Variants in GLI1 observed in about 807,000 individuals in gnomAD.
GLI1 encodes the protein GLI family zinc finger 1.
A neutral mutation model predicts 87.8 loss-of-function variants in GLI1; 51 were observed. The ratio of observed to expected loss-of-function variants is 0.58; its 90% confidence interval spans 0.46 to 0.73. The LOEUF is 0.73. Ranked by LOEUF, GLI1 falls within the 30% of genes least tolerant of loss-of-function variation. The pLI is 0.00. For synonymous variants in GLI1, 528 were observed against 558.2 expected, an observed-to-expected ratio of 0.95 and a Z score of 0.76; for missense variants, 1,292 against 1,437.2, an observed-to-expected ratio of 0.90 and a Z score of 1.63.
At chr12:57,467,841 C>T (rs1871598667) in intron 9 of GLI1, among the ~76,000 whole-genome samples, 153 bp from the exon 10 acceptor site, 1 of 152,226 alleles carries the variant, frequency 6.6e-6, no homozygotes, top group South Asian at 2.1e-4. Context: ...ATCTCTGCAT[C>T]TTTGACTCCC....
Position 57,463,965 on chromosome 12 carries a change from CTCCATTCCCATTCCAGCTG to C in GLI1, c.101-31_101-13del, listed in dbSNP as rs767411443. On this transcript the variant is annotated splice_polypyrimidine_tract_variant and intron_variant, in intron 2 of 11. Coordinates refer to ENST00000228682, the MANE Select transcript of GLI1 (RefSeq NM_005269.3). Reference sequence around the variant, plus strand: ...GGTTTTAAGGTGAGGTTTATGTATCCTCCATTCCCATTCCAGCTGTCTCTTTTTTCTAGGACTGTCTGGC... The same window carrying C: ...GGTTTTAAGGTGAGGTTTATGTATCCTCTCTTTTTTCTAGGACTGTCTGGC... 1 of 1,482,334 alleles carries C rather than the reference CTCCATTCCCATTCCAGCTG, an allele frequency of 6.7e-7. No homozygotes were observed. The highest frequency in any genetic ancestry group is 1.4e-5 in the African/African-American group (1 of 72,394). The allele number at this position is 1,482,334 out of a possible 1,614,324, so 91.8% of individuals were successfully genotyped here.
intron 10 of GLI1, 89 bp downstream of exon 10, chr12:57,468,313 CT>C: frequency 1.3e-6 from 1 of 787,470 alleles, no homozygotes; most frequent in Non-Finnish European, 2.1e-6. Context: ...CCATTCCCTC[CT>C]ATAGAAGTCA....
Position 57,466,316 on chromosome 12 carries a change from G to A in GLI1, c.839G>A (p.Arg280Lys). 6.2e-7 allele frequency: 1 copy of A among 1,614,076 alleles called. No individual in the cohort carries two copies. Among genetic ancestry groups the A allele is most frequent in the South Asian group, 1.1e-5 (1 of 91,082 alleles). ...CHWGGCSREL[R>K]PFKAQYMLVV... is the part of the protein sequence containing the mutation. Reference sequence around the variant, plus strand: ...TGGGGGGGCTGCTCCAGGGAGCTGAGGCCCTTCAAAGCCCAGTACATGCTG... The same window carrying A: ...TGGGGGGGCTGCTCCAGGGAGCTGAAGCCCTTCAAAGCCCAGTACATGCTG... The change falls in exon 8 of 12, where the codon AGG (arginine) becomes AAG (lysine). Residue 280 changes from arginine (R) to lysine (K), a missense_variant. Physicochemically the swap from Arg to Lys is conservative, Grantham distance 26. Coordinates refer to ENST00000228682, the MANE Select transcript of GLI1 (RefSeq NM_005269.3).
At chr12:57,465,520 G>A in intron 5 of GLI1, 87 bp from the exon 6 acceptor site, 1 of 1,071,218 alleles carries the variant, frequency 9.3e-7, no homozygotes, top group Non-Finnish European at 1.4e-6. Context: ...TTGGGTGGGG[G>A]CACTTAGGGC....
intron 11 of GLI1, 128 bp downstream of exon 11, chr12:57,469,826 C>G: frequency 1.2e-6 from 1 of 800,354 alleles, no homozygotes; most frequent in Non-Finnish European, 2.0e-6. Context: ...TGTCCTTCCT[C>G]AAGACACTTT....
chr12:57,470,618 T>C lies in GLI1; in HGVS notation c.1878T>C (p.Tyr626=). 1 of 1,614,040 alleles carries C rather than the reference T, an allele frequency of 6.2e-7. No individual in the cohort carries two copies. The highest frequency in any genetic ancestry group is 2.2e-5 in the East Asian group (1 of 44,868). ...PMPPWRSRAE[Y]PGYNPNAGVT... Reference sequence around the variant, plus strand: ...CTCCTTGGAGAAGCCGAGCCGAGTATCCAGGATACAACCCCAATGCAGGGG... The same window carrying C: ...CTCCTTGGAGAAGCCGAGCCGAGTACCCAGGATACAACCCCAATGCAGGGG... Residue 626 remains tyrosine (Y), a synonymous_variant, in exon 12 of 12, where the codon TAT becomes TAC. Transcript: ENST00000228682.
intron 9 of GLI1, 89 bp from the exon 10 acceptor site, chr12:57,467,905 C>T: frequency 1.2e-6 from 1 of 864,436 alleles, no homozygotes; most frequent in African/African-American, 1.6e-5. Context: ...TCCTCCCCTG[C>T]CCCCTGTGTT....
At chr12:57,465,373 A>G in intron 5 of GLI1, 118 bp downstream of exon 5, 2 of 976,284 alleles carry the variant, frequency 2.0e-6, no homozygotes, top group African/African-American at 1.6e-5. Flanking sequence ...CTAGAAAAGT[A>G]AAGAGGTGTG....
At position 57,465,838 on chromosome 12, in the gene GLI1, G is replaced by C. The variant is rs754258666; in HGVS notation, c.675G>C (p.Glu225Asp). 1.1e-5 allele frequency: 18 copies of C among 1,614,156 alleles called. No homozygotes were observed. Among genetic ancestry groups the C allele is most frequent in the Non-Finnish European group, 1.4e-5 (17 of 1,179,938 alleles). Residue 225 changes from glutamate (E) to aspartate (D), a missense_variant, in exon 7 of 12, where the codon GAG becomes GAC. Around this residue, in one of 3 missense-constraint regions of GLI1, gnomAD observed 383 missense variants for 368.4 expected, o/e 1.04. Transcript: ENST00000228682. ...GGCGGGAGGACCTCGAGAGAGAGGAGAAGCGTGAGCCTGAATCTGTGTATG... is the reference window on the plus strand; with the variant it reads ...GGCGGGAGGACCTCGAGAGAGAGGACAAGCGTGAGCCTGAATCTGTGTATG... ...LDGREDLERE[E>D]KREPESVYET...
chr12:57,467,960 C>G (rs527949917), intron 9 of GLI1, 34 bp from the exon 10 acceptor site: 1 of 1,460,948 alleles, frequency 6.8e-7, no homozygotes, highest in Admixed American at 1.7e-5. Flanking sequence ...CGCTTTGATC[C>G]GTTTGCCTTC....
chr12:57,467,169 TC>T (rs1409836173), intron 8 of GLI1, among the ~76,000 whole-genome samples, 163 bp from the exon 9 acceptor site: 1 of 152,156 alleles, frequency 6.6e-6, no homozygotes, highest in Admixed American at 6.5e-5. Flanking sequence ...TTCTCCAAGT[TC>T]TTGCCTGCCC....
chr12:57,464,536 A>AC (rs1871347281), intron 3 of GLI1, 137 bp from the exon 4 acceptor site: 1 of 634,556 alleles, frequency 1.6e-6, no homozygotes, highest in East Asian at 2.8e-5. Flanking sequence ...AAAAAAAAAA[A>AC]AAAAAAGTCA....
At chr12:57,466,149 G>A (rs2292657) in intron 7 of GLI1, 91 bp from the exon 8 acceptor site, 777,705 of 1,353,748 alleles carry the variant, frequency 0.57, 232,974 homozygotes, top group Middle Eastern at 0.65. Context: ...AGGTGGAGTC[G>A]TGGAAGAGGA....
intron 8 of GLI1, among the ~76,000 whole-genome samples, 166 bp downstream of exon 8, chr12:57,466,555 T>C (rs1290359295): frequency 6.6e-6 from 1 of 152,128 alleles, no homozygotes; most frequent in East Asian, 1.9e-4. Context: ...TATGATGATA[T>C]ATATTAAAAC....
chr12:57,468,501 CTCTT>C (rs1811484399), intron 10 of GLI1, among the ~76,000 whole-genome samples: 1 of 151,664 alleles, frequency 6.6e-6, no homozygotes, highest in Non-Finnish European at 1.5e-5. Context: ...CTCTCTTTCT[CTCTT>C]TCTTTCTGAC....
Position 57,470,976 on chromosome 12 carries a change from AG to A in GLI1, c.2240del (p.Gly747ValfsTer50). ...EGAAAEPYGA[R>X]GPGSLPLGPG... is the part of the protein sequence containing the mutation. ...GGCAGCAGCTGAGCCTTATGGAGCGAGGGGTCCAGGCTCTCTGCCTCTTGGG... is the reference window on the plus strand; with the variant it reads ...GGCAGCAGCTGAGCCTTATGGAGCGAGGGTCCAGGCTCTCTGCCTCTTGGG... On this transcript the variant is annotated frameshift_variant, in exon 12 of 12. Coordinates refer to ENST00000228682, the MANE Select transcript of GLI1 (RefSeq NM_005269.3). LOFTEE classifies it high-confidence loss of function. 6.2e-7 allele frequency: 1 copy of A among 1,613,436 alleles called. No individual in the cohort carries two copies. The highest frequency in any genetic ancestry group is 8.5e-7 in the Non-Finnish European group (1 of 1,179,666).
At position 57,465,644 on chromosome 12, in the gene GLI1, G is replaced by A. The variant is rs151317566; in HGVS notation, c.572G>A (p.Arg191Gln). ...CTGGACATGCTGGTTGGCAAGTGCC[G>A]GGAGGAACCCTTGGAAGGTGATATG... is the stretch of plus-strand genomic sequence containing the variant. ...SELDMLVGKC[R>Q]EEPLEGDMSS... Residue 191 changes from arginine (R) to glutamine (Q), a missense_variant, in exon 6 of 12, where the codon CGG (arginine) becomes CAG (glutamine). Around this residue, in one of 3 missense-constraint regions of GLI1, gnomAD observed 383 missense variants for 368.4 expected, o/e 1.04. Transcript: ENST00000228682. The A allele has an allele frequency of 5.7e-5, 92 of 1,614,124 alleles. No individual in the cohort carries two copies. The highest frequency in any genetic ancestry group is 3.7e-4 in the African/African-American group (28 of 75,048).
rs1321791178 is a variant in GLI1 at position 57,467,511 on chromosome 12, C to T, written c.1077+14C>T. 1 of 1,580,688 alleles carries T rather than the reference C, an allele frequency of 6.3e-7. No individual in the cohort carries two copies. Among genetic ancestry groups the T allele is most frequent in the Non-Finnish European group, 8.7e-7 (1 of 1,155,150 alleles). ...CATTCCAATGAGGTGAATGCCCTAA[C>T]TAAGCGACCCTCCCCTCTTGAGAAG... On this transcript the variant is annotated intron_variant, in intron 9 of 11. Coordinates refer to ENST00000228682, the MANE Select transcript of GLI1 (RefSeq NM_005269.3).
At chr12:57,466,113 A>C in intron 7 of GLI1, 127 bp from the exon 8 acceptor site, 1 of 1,102,358 alleles carries the variant, frequency 9.1e-7, no homozygotes, top group Non-Finnish European at 1.3e-6. Context: ...GTGAGATATG[A>C]TATTGCTCCT....
Sources: allele counts gnomAD v4.1 joint callset (sites outside exome capture counted in the v4.1 genomes callset), GRCh38; gene constraint gnomAD v4.1.1; regional missense constraint gnomAD v4.1.1; transcripts MANE v1.5; gene names NCBI Gene and HGNC (gene_info 2026-07-23, HGNC 2026-07-21).